The following CACNB2 variants were observed in gnomAD, a reference collection of about 807,000 sequenced individuals.
CACNB2 encodes calcium voltage-gated channel auxiliary subunit beta 2.
CACNB2 carries 42 observed loss-of-function variants against 73.3 expected under a neutral mutation model. The ratio of observed to expected loss-of-function variants is 0.57; its 90% confidence interval spans 0.45 to 0.74. CACNB2 has a LOEUF of 0.74. CACNB2 is among the 30% of genes least tolerant of loss of function. The pLI is 0.00. For synonymous variants in CACNB2, 348 were observed against 310.3 expected, an observed-to-expected ratio of 1.12 and a Z score of -1.28; for missense variants, 940 against 853.0, an observed-to-expected ratio of 1.10 and a Z score of -1.27.
At chr10:18,220,215 A>G (rs185498530) in intron 2 of CACNB2, among the ~76,000 whole-genome samples, 6,955 of 53,694 alleles carry the variant, frequency 0.13, 1,523 homozygotes, top group African/African-American at 0.37. Flanking sequence ...ATATATATAT[A>G]TATATATATA....
At chr10:18,512,511 CCTT>C (rs1479421329) in intron 6 of CACNB2, among the ~76,000 whole-genome samples, 1 of 152,116 alleles carries the variant, frequency 6.6e-6, no homozygotes, top group Non-Finnish European at 1.5e-5. Flanking sequence ...TTCACACTGT[CCTT>C]ATTTTTACAC....
intron 7 of CACNB2, chr10:18,515,127 G>A (rs2051148412): frequency 9.2e-7 from 1 of 1,088,724 alleles, no homozygotes; most frequent in Non-Finnish European, 1.4e-6. Context: ...TCACCCTTTG[G>A]ACAGTGCAGC....
intron 10 of CACNB2, among the ~76,000 whole-genome samples, chr10:18,528,309 G>C (rs1446195046): frequency 1.3e-5 from 2 of 152,134 alleles, no homozygotes; most frequent in East Asian, 1.9e-4. Flanking sequence ...TACAGAGATG[G>C]TATGTGGATA....
At chr10:18,442,468 G>A (rs2046458581) in intron 3 of CACNB2, among the ~76,000 whole-genome samples, 1 of 151,608 alleles carries the variant, frequency 6.6e-6, no homozygotes, top group African/African-American at 2.4e-5. Flanking sequence ...TTCTTCTTTA[G>A]CTCAGGCAGA....
intron 2 of CACNB2, among the ~76,000 whole-genome samples, chr10:18,173,675 G>A (rs2033397779): frequency 6.6e-6 from 1 of 152,100 alleles, no homozygotes; most frequent in Admixed American, 6.5e-5. Flanking sequence ...ATCACTGTGG[G>A]TTCTGAATAT....
intron 2 of CACNB2, among the ~76,000 whole-genome samples, chr10:18,209,485 T>C (rs2035231112): frequency 6.6e-6 from 1 of 152,220 alleles, no homozygotes; most frequent in Admixed American, 6.5e-5. Context: ...TGTGTGGTTC[T>C]ACAACTTGAT....
intron 9 of CACNB2, among the ~76,000 whole-genome samples, chr10:18,520,637 C>A (rs182216218): frequency 1.0e-3 from 154 of 152,272 alleles, no homozygotes; most frequent in Non-Finnish European, 1.8e-3. Context: ...CCTACATGAC[C>A]TCCTATGGTC....
chr10:18,478,515 G>A (rs371850890), intron 3 of CACNB2, among the ~76,000 whole-genome samples: 3 of 152,200 alleles, frequency 2.0e-5, no homozygotes, highest in African/African-American at 7.2e-5. Flanking sequence ...AGCTGCTGCT[G>A]TAAGGGCCAA....
intron 3 of CACNB2, among the ~76,000 whole-genome samples, chr10:18,442,472 A>C (rs1416473405): frequency 6.6e-6 from 1 of 152,006 alleles, no homozygotes; most frequent in Non-Finnish European, 1.5e-5. Flanking sequence ...TCTTTAGCTC[A>C]GGCAGAGTAA....
chr10:18,281,339 G>A (rs1011290321), intron 2 of CACNB2, among the ~76,000 whole-genome samples: 2 of 152,198 alleles, frequency 1.3e-5, no homozygotes, highest in Admixed American at 6.5e-5. Context: ...TACTAATGGA[G>A]CACCTATTAA....
intron 3 of CACNB2, among the ~76,000 whole-genome samples, chr10:18,481,192 C>CTATATATATATATATATATATATA (rs145814788): frequency 8.2e-5 from 3 of 36,704 alleles, no homozygotes; most frequent in East Asian, 1.3e-3. Flanking sequence ...TACATCTTCG[C>CTATATATATATATATATATATATA]TATATATATA....
chr10:18,498,526 A>G, intron 4 of CACNB2, 49 bp downstream of exon 4: 7 of 1,595,168 alleles, frequency 4.4e-6, no homozygotes, highest in East Asian at 2.2e-5. Context: ...TCACCTTGAC[A>G]TACCATTTCT....
At chr10:18,359,002 C>T (rs1401372282) in intron 2 of CACNB2, among the ~76,000 whole-genome samples, 1 of 152,062 alleles carries the variant, frequency 6.6e-6, no homozygotes, top group Admixed American at 6.6e-5. Context: ...AATGTTATGT[C>T]AGCTTTAATA....
intron 2 of CACNB2, among the ~76,000 whole-genome samples, chr10:18,352,927 T>C (rs956326593): frequency 2.0e-5 from 3 of 152,244 alleles, no homozygotes; most frequent in Non-Finnish European, 4.4e-5. Context: ...AGTAAAGCTA[T>C]AAATTATAGA....
At chr10:18,392,784 A>T (rs989781724) in intron 2 of CACNB2, among the ~76,000 whole-genome samples, 9 of 152,054 alleles carry the variant, frequency 5.9e-5, no homozygotes, top group African/African-American at 2.2e-4. Flanking sequence ...ATTTCATTGA[A>T]TTTTCTGCAG....
intron 1 of CACNB2, chr10:18,141,224 G>T: frequency 6.7e-7 from 1 of 1,482,180 alleles, no homozygotes; most frequent in Non-Finnish European, 9.2e-7. Flanking sequence ...TCGTGAGTCC[G>T]GGTGGGCGGG....
chr10:18,431,341 T>C (rs768860508), intron 3 of CACNB2, among the ~76,000 whole-genome samples: 7 of 152,170 alleles, frequency 4.6e-5, no homozygotes, highest in Non-Finnish European at 1.0e-4. Context: ...AACTTCTTCA[T>C]CCATTCACAT....
chr10:18,366,550 A>G (rs550693094), intron 2 of CACNB2, among the ~76,000 whole-genome samples: 1 of 149,364 alleles, frequency 6.7e-6, no homozygotes, highest in East Asian at 2.0e-4. Context: ...AGTCCATCGA[A>G]GACTGATTTT....
At chr10:18,507,093 C>A (rs1375040603) in intron 6 of CACNB2, among the ~76,000 whole-genome samples, 1 of 152,176 alleles carries the variant, frequency 6.6e-6, no homozygotes, top group Non-Finnish European at 1.5e-5. Context: ...GCCACTGCAC[C>A]CAGCCATATT....
Sources: gnomAD v4.1 joint callset for allele counts (sites outside exome capture counted in the v4.1 genomes callset) on GRCh38, gnomAD v4.1.1 for gene constraint, MANE v1.5 for transcripts, NCBI Gene and HGNC (gene_info 2026-07-23, HGNC 2026-07-21) for gene names.